Variants in WDFY4 observed in about 807,000 individuals in gnomAD.
WDFY4 encodes WD repeat- and FYVE domain-containing protein 4.
In WDFY4, 169 loss-of-function variants were observed where a neutral mutation model predicts 351.9. The ratio of observed to expected loss-of-function variants is 0.48; its 90% CI spans 0.42 to 0.55. The LOEUF (loss-of-function observed/expected upper bound fraction) is 0.55. Among genes scored for constraint, WDFY4 ranks in the 20% least tolerant of loss-of-function variants. The probability of loss-of-function intolerance (pLI) is 0.00; values close to 1 mark genes in which losing one functional copy is unlikely to be tolerated. For synonymous variants in WDFY4, 1,622 were observed against 1,574.6 expected, an observed-to-expected ratio of 1.03 and a Z score of -0.71; for missense variants, 3,803 against 3,935.6, an observed-to-expected ratio of 0.97 and a Z score of 0.90.
chr10:48,812,762 C>A (rs2067500212), intron 30 of WDFY4, among the ~76,000 whole-genome samples: 1 of 152,190 alleles, frequency 6.6e-6, no homozygotes, highest in Admixed American at 6.5e-5. Context: ...TAGCTGGCAC[C>A]AAGCCCCCTC....
At chr10:48,936,998 C>A (rs1840416975) in intron 47 of WDFY4, among the ~76,000 whole-genome samples, 1 of 151,854 alleles carries the variant, frequency 6.6e-6, no homozygotes, top group African/African-American at 2.4e-5. Context: ...CGGCTCACTG[C>A]AAACTTCACC....
chr10:48,910,198 T>G, intron 47 of WDFY4: 2 of 1,469,610 alleles, frequency 1.4e-6, no homozygotes, highest in Non-Finnish European at 9.5e-7. Flanking sequence ...TCGTTTATTC[T>G]GTTAGCTGAG....
intron 44 of WDFY4, among the ~76,000 whole-genome samples, chr10:48,895,272 C>T (rs1181621050): frequency 1.3e-5 from 2 of 152,238 alleles, no homozygotes; most frequent in East Asian, 1.9e-4. Flanking sequence ...CCTCTCTCAA[C>T]TTCCCCAAGA....
At position 48,790,858 on chromosome 10, in the gene WDFY4, T is replaced by C; in HGVS notation, c.4198T>C (p.Ser1400Pro). 6.4e-7 allele frequency: 1 copy of C among 1,551,780 alleles called. No homozygotes were observed. The highest frequency in any genetic ancestry group is 8.7e-7 in the Non-Finnish European group (1 of 1,147,010). Residue 1400 changes from serine (S) to proline (P), a missense_variant, in exon 23 of 62, where the codon TCG becomes CCG. By Grantham distance (74) the Ser-to-Pro change is moderately conservative. Coordinates refer to ENST00000325239, the MANE Select transcript of WDFY4 (RefSeq NM_001394531.1). ...GTATGCGGCTGTGAAAGTTCTGCAC[T>C]CGGTCCTGACCAGTAATGCCATGTG... ...TMYAAVKVLH[S>P]VLTSNAMCDF...
intron 53 of WDFY4, among the ~76,000 whole-genome samples, chr10:48,961,165 A>G (rs1841842879): frequency 6.6e-6 from 1 of 152,204 alleles, no homozygotes; most frequent in South Asian, 2.1e-4. Flanking sequence ...CTGCAAAGAG[A>G]AAGTTCTTCT....
At chr10:48,832,197 T>C (rs753340501) in intron 38 of WDFY4, among the ~76,000 whole-genome samples, 2 of 152,252 alleles carry the variant, frequency 1.3e-5, no homozygotes, top group Non-Finnish European at 2.9e-5. Flanking sequence ...ACTTTCTATG[T>C]TCCAGGGTCT....
intron 43 of WDFY4, among the ~76,000 whole-genome samples, chr10:48,877,835 G>T (rs1371358252): frequency 6.6e-6 from 1 of 152,232 alleles, no homozygotes; most frequent in Non-Finnish European, 1.5e-5. Flanking sequence ...CTCTTCGTGT[G>T]TGTGTCCTCT....
At chr10:48,816,350 C>T (rs555816517) in intron 31 of WDFY4, among the ~76,000 whole-genome samples, 238 of 152,220 alleles carry the variant, frequency 1.6e-3, no homozygotes, top group African/African-American at 5.4e-3. Flanking sequence ...TTGATTTTGG[C>T]GTCTTCATTT....
intron 39 of WDFY4, among the ~76,000 whole-genome samples, chr10:48,849,530 C>T (rs952907539): frequency 2.6e-5 from 4 of 152,200 alleles, no homozygotes; most frequent in African/African-American, 4.8e-5. Flanking sequence ...GCCAAGAGAG[C>T]CTGTGGAATG....
intron 13 of WDFY4, among the ~76,000 whole-genome samples, chr10:48,767,853 G>A (rs1055999779): frequency 4.6e-5 from 7 of 152,140 alleles, no homozygotes; most frequent in East Asian, 1.9e-4. Context: ...GGTGAGCTTA[G>A]CGTCCAGCTG....
intron 39 of WDFY4, among the ~76,000 whole-genome samples, chr10:48,866,616 A>G (rs2069552870): frequency 6.6e-6 from 1 of 152,172 alleles, no homozygotes; most frequent in South Asian, 2.1e-4. Context: ...TTGGCTCCTC[A>G]AATTCAGCTC....
intron 47 of WDFY4, among the ~76,000 whole-genome samples, chr10:48,917,333 T>A (rs1838643430): frequency 6.6e-6 from 1 of 152,168 alleles, no homozygotes; most frequent in African/African-American, 2.4e-5. Context: ...CAGAAAAACA[T>A]TTGAAGGAAA....
intron 12 of WDFY4, among the ~76,000 whole-genome samples, chr10:48,751,999 A>G (rs2065199372): frequency 6.6e-6 from 1 of 152,144 alleles, no homozygotes; most frequent in African/African-American, 2.4e-5. Flanking sequence ...AGATACAGGC[A>G]CTTTGGGATT....
Position 48,822,370 on chromosome 10 carries a change from C to T in WDFY4, c.5825-10C>T. The T allele has an allele frequency of 6.5e-7, 1 of 1,532,254 alleles. No individual in the cohort carries two copies. Among genetic ancestry groups the T allele is most frequent in the Non-Finnish European group, 8.8e-7 (1 of 1,136,396 alleles). The allele number at this position is 1,532,254 out of a possible 1,614,324, so 94.9% of individuals were successfully genotyped here. A position where few individuals can be genotyped will look rare whatever the true frequency, so the allele number is the denominator to read the frequency against. On this transcript the variant is annotated splice_polypyrimidine_tract_variant and intron_variant, in intron 34 of 61. Coordinates refer to ENST00000325239, the MANE Select transcript of WDFY4 (RefSeq NM_001394531.1). ...AGACTCTCACCTCCACCTGTCCCCT[C>T]ACTCCACAGACGGCAAAGAGCCTCA...
chr10:48,731,296 TG>T lies in WDFY4; in HGVS notation c.1317del (p.Lys440SerfsTer13). On this transcript the variant is annotated frameshift_variant, in exon 9 of 62. Transcript: ENST00000325239. LOFTEE classifies it high-confidence loss of function. The stretch of plus-strand genomic sequence containing the variant: ...TCGCAGTTTGTAGAGATCATGCCCC[TG>T]AAGCCGGCCCCAGTGCAGGAACACT... ...PISQFVEIMP[L>X]KPAPVQEHFF... The T allele has an allele frequency of 6.4e-7, 1 of 1,551,936 alleles. No individual in the cohort carries two copies. The highest frequency in any genetic ancestry group is 8.7e-7 in the Non-Finnish European group (1 of 1,147,020).
intron 47 of WDFY4, among the ~76,000 whole-genome samples, chr10:48,935,777 G>A (rs950641090): frequency 2.0e-5 from 3 of 152,164 alleles, no homozygotes; most frequent in African/African-American, 7.2e-5. Flanking sequence ...ATGCTGATGT[G>A]TAGTTTCTGA....
intron 18 of WDFY4, 48 bp from the exon 19 acceptor site, chr10:48,779,893 T>G: frequency 6.5e-7 from 1 of 1,546,458 alleles, no homozygotes; most frequent in Non-Finnish European, 8.7e-7. Context: ...CCTGGGTTCC[T>G]GCAGTGTAGC....
chr10:48,842,481 C>G (rs971571273), intron 39 of WDFY4, among the ~76,000 whole-genome samples: 1 of 152,108 alleles, frequency 6.6e-6, no homozygotes, highest in Admixed American at 6.5e-5. Context: ...CGCGGCTGCC[C>G]AGAGGAGGAC....
intron 35 of WDFY4, chr10:48,823,123 CAGAG>C: frequency 7.7e-7 from 1 of 1,301,498 alleles, no homozygotes. Context: ...CATATACACA[CAGAG>C]AGAATCGTAC....
Sources: allele counts gnomAD v4.1 joint callset (sites outside exome capture counted in the v4.1 genomes callset), GRCh38; gene constraint gnomAD v4.1.1; transcripts MANE v1.5; gene names NCBI Gene and HGNC (gene_info 2026-07-23, HGNC 2026-07-21).